LARGE1: variants seen among roughly 807,000 people sequenced by gnomAD.
LARGE1 encodes LARGE xylosyl- and glucuronyltransferase 1.
In LARGE1, 43 loss-of-function variants were observed where a neutral mutation model predicts 87.6. The ratio of observed to expected loss-of-function variants is 0.49; its 90% CI spans 0.38 to 0.63. The LOEUF (loss-of-function observed/expected upper bound fraction) is 0.63, where lower values mean the gene tolerates loss of function less well. LARGE1 is among the 30% of genes least tolerant of loss of function. The pLI is 0.00. For missense variants in LARGE1, 802 were observed against 1,000.2 expected, an observed-to-expected ratio of 0.80 and a Z score of 2.67; for synonymous variants, 434 against 394.6, an observed-to-expected ratio of 1.10 and a Z score of -1.18.
At chr22:33,331,663 CT>C (rs1937724368) in intron 10 of LARGE1, among the ~76,000 whole-genome samples, 1 of 152,192 alleles carries the variant, frequency 6.6e-6, no homozygotes, top group Non-Finnish European at 1.5e-5. Context: ...CCGCCTCGGC[CT>C]CCCAAAGTGC....
intron 5 of LARGE1, among the ~76,000 whole-genome samples, chr22:33,571,957 A>G (rs2078217576): frequency 6.6e-6 from 1 of 152,172 alleles, no homozygotes; most frequent in Admixed American, 6.5e-5. Context: ...TTTTCAAACA[A>G]TTAGGTACAA....
intron 11 of LARGE1, among the ~76,000 whole-genome samples, chr22:33,226,351 C>T (rs1012721120): frequency 3.9e-5 from 6 of 152,160 alleles, no homozygotes; most frequent in African/African-American, 1.4e-4. Context: ...TCTCGAAGTC[C>T]CAATACACAG....
intron 9 of LARGE1, among the ~76,000 whole-genome samples, chr22:33,379,507 T>C (rs956590337): frequency 5.3e-5 from 8 of 152,130 alleles, no homozygotes; most frequent in African/African-American, 1.7e-4. Flanking sequence ...TGCACACCTA[T>C]GTTTACTGCG....
intron 1 of LARGE1, among the ~76,000 whole-genome samples, chr22:33,787,701 C>A (rs5749661): frequency 6.6e-6 from 1 of 151,986 alleles, no homozygotes; most frequent in Non-Finnish European, 1.5e-5. Flanking sequence ...GAAAGTTACC[C>A]CCTCCCTTGA....
chr22:33,590,257 A>AT (rs1252887046), intron 5 of LARGE1, among the ~76,000 whole-genome samples: 2 of 152,196 alleles, frequency 1.3e-5, no homozygotes, highest in African/African-American at 4.8e-5. Flanking sequence ...ATTTTATTGT[A>AT]TTTGATTTAG....
At position 33,274,074 on chromosome 22, in the gene LARGE1, A is replaced by G. The variant is rs751385934; in HGVS notation, c.*353T>C. ...TTTCTCCCCAGTTATGATGGGAAGCATAATTATTAAAAAGCATCCAGAACA... is the reference window on the plus strand; with the variant it reads ...TTTCTCCCCAGTTATGATGGGAAGCGTAATTATTAAAAAGCATCCAGAACA... On this transcript the variant is annotated 3_prime_UTR_variant, in exon 15 of 15. Transcript: ENST00000397394. 1.4e-5 allele frequency: 6 copies of G among 430,504 alleles called. No homozygotes were observed. Among genetic ancestry groups the G allele is most frequent in the East Asian group, 4.5e-5 (1 of 22,094 alleles). 26.7% of individuals were successfully genotyped at this position (430,504 alleles called of 1,614,324 possible).
intron 6 of LARGE1, among the ~76,000 whole-genome samples, chr22:33,443,035 G>A (rs908667753): frequency 3.9e-5 from 6 of 151,994 alleles, no homozygotes; most frequent in Non-Finnish European, 7.4e-5. Context: ...CTCATGATCC[G>A]CCCTCCTCGG....
chr22:33,873,397 G>A (rs1487375491), intron 1 of LARGE1: 1 of 152,266 alleles, frequency 6.6e-6, no homozygotes, highest in East Asian at 1.9e-4. Context: ...TGTCTAGTCT[G>A]TTCTGAATGG....
chr22:33,664,855 C>T (rs993735461), intron 2 of LARGE1, among the ~76,000 whole-genome samples: 3 of 152,088 alleles, frequency 2.0e-5, no homozygotes, highest in African/African-American at 7.2e-5. Context: ...GAGACTCCAT[C>T]TTAAAAAAAC....
At chr22:33,844,838 A>G (rs1211118766) in intron 1 of LARGE1, among the ~76,000 whole-genome samples, 1 of 151,440 alleles carries the variant, frequency 6.6e-6, no homozygotes, top group African/African-American at 2.4e-5. Context: ...CTCCTGCCTC[A>G]GCCTCCTGAG....
At chr22:33,545,312 G>GC (rs1174181268) in intron 6 of LARGE1, among the ~76,000 whole-genome samples, 13 of 145,706 alleles carry the variant, frequency 8.9e-5, no homozygotes, top group Non-Finnish European at 1.9e-4. Context: ...TGTTGCCTAG[G>GC]CTGGAGGGCA....
chr22:33,262,333 C>T (rs1927678785), intron 11 of LARGE1, among the ~76,000 whole-genome samples: 1 of 152,206 alleles, frequency 6.6e-6, no homozygotes, highest in African/African-American at 2.4e-5. Context: ...TCTGGGAGTA[C>T]ACGGAACAGT....
Position 33,324,228 on chromosome 22 carries a change from C to CAA in LARGE1, c.1288-7982_1288-7981dup, listed in dbSNP as rs1161508287. Among the ~76,000 whole-genome samples the CAA allele has an allele frequency of 5.1e-3, 55 of 10,734 alleles. 6 individuals carry two copies. Among genetic ancestry groups the CAA allele is most frequent in the East Asian group, 0.024 (5 of 206 alleles). 7.0% of individuals were successfully genotyped at this position (10,734 alleles called of 152,430 possible). ...TGGGCAACAGACCAAGACTCCATCT[C>CAA]AAAAAAAAAAAAAAAAAAAAAAAAA... On this transcript the variant is annotated intron_variant, in intron 10 of 14. Coordinates refer to ENST00000397394, the MANE Select transcript of LARGE1 (RefSeq NM_133642.5).
chr22:33,067,778 G>A, the LARGE1 span, among the ~76,000 whole-genome samples: 3 of 152,088 alleles, frequency 2.0e-5, no homozygotes, highest in African/African-American at 4.8e-5. Context: ...TCAGGAGTTC[G>A]AGACAAGCCT....
At chr22:33,487,944 A>C (rs1422748297) in intron 6 of LARGE1, among the ~76,000 whole-genome samples, 1 of 152,218 alleles carries the variant, frequency 6.6e-6, no homozygotes, top group African/African-American at 2.4e-5. Context: ...GCAGTGTGTG[A>C]AGCAGCTTAT....
In LARGE1 at chr22:33,744,206, A is replaced by G. The variant is rs555517909; in HGVS notation, c.106+17165T>C. On this transcript the variant is annotated intron_variant, in intron 2 of 14. Transcript: ENST00000397394. ...GTATCTGCAATTTGCTGAGAACTTA[A>G]TATGTGTCAGTTGCCTGCAAAACTC... is the stretch of plus-strand genomic sequence containing the variant. 5.2e-5 allele frequency: 8 copies of G among 152,384 alleles called. No individual in the cohort carries two copies. In the East Asian group the frequency reaches 9.6e-4, roughly 18 times the overall value. 9.4% of individuals were successfully genotyped at this position (152,384 alleles called of 1,614,324 possible). A position where few individuals can be genotyped will look rare whatever the true frequency, so the allele number is the denominator to read the frequency against.
chr22:33,804,426 A>G lies in LARGE1; in HGVS notation c.-82-42868T>C, dbSNP rs148484369. Among the ~76,000 whole-genome samples the G allele has an allele frequency of 5.3e-5, 8 of 152,296 alleles. No individual in the cohort carries two copies. The East Asian group carries it at 1.4e-3, about 26-fold the overall frequency. ...CAAGGACCATTTATCCATTCATTCC[A>G]TGAACATGTATTTGGCACCTTCTGA... is the stretch of plus-strand genomic sequence containing the variant. On this transcript the variant is annotated intron_variant, in intron 1 of 14. Coordinates refer to ENST00000397394, the MANE Select transcript of LARGE1 (RefSeq NM_133642.5).
At chr22:33,080,729 A>T in the LARGE1 span, among the ~76,000 whole-genome samples, 2 of 152,234 alleles carry the variant, frequency 1.3e-5, no homozygotes, top group Admixed American at 1.3e-4. Context: ...CCAAAGTTAC[A>T]TAATTTATAA....
At chr22:33,474,818 C>G (rs2069001842) in intron 6 of LARGE1, among the ~76,000 whole-genome samples, 1 of 151,992 alleles carries the variant, frequency 6.6e-6, no homozygotes, top group African/African-American at 2.4e-5. Context: ...GCTGATGTCC[C>G]CAGAGAAAAC....
Sources: allele counts gnomAD v4.1 joint callset (sites outside exome capture counted in the v4.1 genomes callset), GRCh38; gene constraint gnomAD v4.1.1; transcripts MANE v1.5; gene names NCBI Gene and HGNC (gene_info 2026-07-23, HGNC 2026-07-21).